The following TUBA1A variants were observed in gnomAD, a reference collection of about 807,000 sequenced individuals.
TUBA1A encodes tubulin alpha-1A chain.
TUBA1A carries 7 observed loss-of-function variants against 34.6 expected under a neutral mutation model. That is an observed-to-expected ratio of 0.20 (90% CI 0.11 to 0.38). The LOEUF (loss-of-function observed/expected upper bound fraction) is 0.38, where lower values mean the gene tolerates loss of function less well. Ranked by LOEUF, TUBA1A falls within the 10% of genes least tolerant of loss-of-function variation. The pLI, the probability that TUBA1A is intolerant of heterozygous loss-of-function variation, is 1.00. For missense variants in TUBA1A, 19 were observed against 581.3 expected (o/e 0.03, Z 9.95); for synonymous variants, 193 against 210.2 (o/e 0.92, Z 0.71).
Position 49,188,075 on chromosome 12 carries a change from CAG to C in TUBA1A, c.3+900_3+901del, listed in dbSNP as rs1469136790. On this transcript the variant is annotated intron_variant, in intron 1 of 3. Coordinates refer to ENST00000301071, the MANE Select transcript of TUBA1A (RefSeq NM_006009.4). The surrounding 1 kb of genome is among the most constrained non-coding windows in gnomAD (Gnocchi z 4.9). ...CAGTCGGTCAGGGCAGGGCGTCCCA[CAG>C]ACACACACACACACACACACACACA... 1.1e-6 allele frequency: 1 copy of C among 917,968 alleles called. No individual in the cohort carries two copies. The highest frequency in any genetic ancestry group is 1.3e-6 in the Non-Finnish European group (1 of 791,158). 56.9% of individuals were successfully genotyped at this position (917,968 alleles called of 1,614,324 possible). A position where few individuals can be genotyped will look rare whatever the true frequency, so the allele number is the denominator to read the frequency against.
intron 1 of TUBA1A, chr12:49,187,517 T>G: frequency 1.0e-6 from 1 of 985,668 alleles, no homozygotes; most frequent in Non-Finnish European, 1.2e-6. Context: ...TGAATTGAAA[T>G]GAATTAATTA....
At position 49,184,896 on chromosome 12, in the gene TUBA1A, G is replaced by A. The variant is rs150293856; in HGVS notation, c.*114C>T. Reference sequence around the variant, plus strand: ...TGTTTTAGAGCATAGGTCAGTAATTGTATATGAGAGCATACACTGCTACAT... The same window carrying A: ...TGTTTTAGAGCATAGGTCAGTAATTATATATGAGAGCATACACTGCTACAT... On this transcript the variant is annotated 3_prime_UTR_variant, in exon 4 of 4. Transcript: ENST00000301071. 1 of 1,542,052 alleles carries A rather than the reference G, an allele frequency of 6.5e-7. No homozygotes were observed. Among genetic ancestry groups the A allele is most frequent in the African/African-American group, 1.4e-5 (1 of 73,534 alleles).
In TUBA1A at chr12:49,186,280, AATTTACTT is replaced by A; in HGVS notation, c.375+22_375+29del. On this transcript the variant is annotated intron_variant, in intron 3 of 3. Transcript: ENST00000301071. The surrounding 1 kb of genome is among the most constrained non-coding windows in gnomAD (Gnocchi z 6.6). Reference sequence around the variant, plus strand: ...TTCAAATGTGTTCTTTAGGCTCATTAATTTACTTTATTCTTGAAAAGAAACATACCAGC... The same window carrying A: ...TTCAAATGTGTTCTTTAGGCTCATTATATTCTTGAAAAGAAACATACCAGC... 6.2e-7 allele frequency: 1 copy of A among 1,612,646 alleles called. No individual in the cohort carries two copies. The highest frequency in any genetic ancestry group is 1.1e-5 in the South Asian group (1 of 91,010).
At chr12:49,187,547 A>G (rs1942195623) in intron 1 of TUBA1A, 1 of 985,262 alleles carries the variant, frequency 1.0e-6, no homozygotes, top group East Asian at 1.1e-4. Flanking sequence ...GGAACAAAAG[A>G]CAACGGGATG....
intron 1 of TUBA1A, chr12:49,187,595 A>G (rs925385868): frequency 4.3e-6 from 4 of 933,044 alleles, no homozygotes; most frequent in South Asian, 5.3e-5. Flanking sequence ...CAATTTCATT[A>G]CTTTTTTTTT....
At position 49,186,101 on chromosome 12, in the gene TUBA1A, T is replaced by G; in HGVS notation, c.376-111A>C. The G allele has an allele frequency of 1.3e-6, 2 of 1,532,732 alleles. No individual in the cohort carries two copies. Among genetic ancestry groups the G allele is most frequent in the Non-Finnish European group, 1.8e-6 (2 of 1,137,486 alleles). 94.9% of individuals were successfully genotyped at this position (1,532,732 alleles called of 1,614,324 possible). On this transcript the variant is annotated intron_variant, in intron 3 of 3. Coordinates refer to ENST00000301071, the MANE Select transcript of TUBA1A (RefSeq NM_006009.4). This position sits in a 1 kb window ranked among gnomAD's most constrained non-coding sequence, Gnocchi z 6.6. The stretch of plus-strand genomic sequence containing the variant: ...CATCTTCCAGGACTTAGATCTTATT[T>G]TGACAAATGCTTTTTAAAAAATTCT...
rs556755463 is a variant in TUBA1A, at chr12:49,184,897, T to C, written c.*113A>G. 5.8e-6 allele frequency: 9 copies of C among 1,548,132 alleles called. No individual in the cohort carries two copies. Among genetic ancestry groups the C allele is most frequent in the African/African-American group, 2.7e-5 (2 of 73,646 alleles). On this transcript the variant is annotated 3_prime_UTR_variant, in exon 4 of 4. Transcript: ENST00000301071. ...GTTTTAGAGCATAGGTCAGTAATTG[T>C]ATATGAGAGCATACACTGCTACATA... is the stretch of plus-strand genomic sequence containing the variant.
rs58704368 is a variant in TUBA1A at position 49,188,023 on chromosome 12, GACACACAC to G, written c.3+946_3+953del. On this transcript the variant is annotated intron_variant, in intron 1 of 3. Coordinates refer to ENST00000301071, the MANE Select transcript of TUBA1A (RefSeq NM_006009.4). This position sits in a 1 kb window ranked among gnomAD's most constrained non-coding sequence, Gnocchi z 4.9. ...AACGTGCAGTCCAGACAGACAGACA[GACACACAC>G]ACACACACACACACACTTCAGTCGG... is the stretch of plus-strand genomic sequence containing the variant. The G allele has an allele frequency of 1.1e-6, 1 of 896,366 alleles. No individual in the cohort carries two copies. The highest frequency in any genetic ancestry group is 1.3e-6 in the Non-Finnish European group (1 of 765,502). The allele number at this position is 896,366 out of a possible 1,614,324, so 55.5% of individuals were successfully genotyped here. A position where few individuals can be genotyped will look rare whatever the true frequency, so the allele number is the denominator to read the frequency against.
Position 49,187,034 on chromosome 12 carries a change from G to C in TUBA1A, c.4-201C>G, listed in dbSNP as rs146064612. On this transcript the variant is annotated intron_variant, in intron 1 of 3. Transcript: ENST00000301071. ...TGGGTGTGGTCTGAATAATGATGTC[G>C]CCTTGGCCCTGTTCAGCACGTGGTA... The C allele has an allele frequency of 1.1e-4, 162 of 1,451,080 alleles. No individual in the cohort carries two copies. The East Asian group carries it at 3.6e-3, about 32-fold the overall frequency. 89.9% of individuals were successfully genotyped at this position (1,451,080 alleles called of 1,614,324 possible).
Position 49,187,048 on chromosome 12 carries a change from C to T in TUBA1A, c.4-215G>A. On this transcript the variant is annotated intron_variant, in intron 1 of 3. Transcript: ENST00000301071. ...ATAATGATGTCGCCTTGGCCCTGTT[C>T]AGCACGTGGTACCAGCCCATTGTGC... 3 of 1,436,716 alleles carry T rather than the reference C, an allele frequency of 2.1e-6. No homozygotes were observed. In the South Asian group the frequency reaches 4.6e-5, roughly 22 times the overall value. 89.0% of individuals were successfully genotyped at this position (1,436,716 alleles called of 1,614,324 possible).
In TUBA1A at chr12:49,185,517, A is replaced by G. The variant is rs759228609; in HGVS notation, c.849T>C (p.His283=). 1.7e-5 allele frequency: 28 copies of G among 1,613,830 alleles called. No homozygotes were observed. The highest frequency in any genetic ancestry group is 2.1e-5 in the Non-Finnish European group (25 of 1,179,980). The change falls in exon 4 of 4, where the codon CAT becomes CAC. Residue 283 remains histidine, a synonymous_variant. Coordinates refer to ENST00000301071, the MANE Select transcript of TUBA1A (RefSeq NM_006009.4). ...APVISAEKAY[H]EQLSVAEITN... is the part of the protein sequence containing the mutation. ...TGATCTCTGCTACAGAAAGCTGTTC[A>G]TGGTAGGCTTTCTCAGCAGAGATGA...
chr12:49,189,069 A>C lies in TUBA1A; in HGVS notation c.-90T>G. ...AGCGCGACTCTTAGGCGGTCGATGTAAGAGAACCTGCGGCACATAGGCGGA... is the reference window on the plus strand; with the variant it reads ...AGCGCGACTCTTAGGCGGTCGATGTCAGAGAACCTGCGGCACATAGGCGGA... On this transcript the variant is annotated 5_prime_UTR_variant, in exon 1 of 4. Transcript: ENST00000301071. 1 of 1,559,062 alleles carries C rather than the reference A, an allele frequency of 6.4e-7. No homozygotes were observed. Among genetic ancestry groups the C allele is most frequent in the Non-Finnish European group, 8.8e-7 (1 of 1,130,174 alleles).
At chr12:49,187,662 A>G (rs774464082) in intron 1 of TUBA1A, 1 of 984,908 alleles carries the variant, frequency 1.0e-6, no homozygotes, top group Non-Finnish European at 1.2e-6. Flanking sequence ...AATTATCCGT[A>G]TCTTAACACA....
chr12:49,187,224 CT>C, intron 1 of TUBA1A: 1 of 1,133,530 alleles, frequency 8.8e-7, no homozygotes, highest in Non-Finnish European at 1.1e-6. Context: ...TGAAAGTTTC[CT>C]CTGAATAGGA....
rs1426514189 is a variant in TUBA1A, at chr12:49,184,872, G to A, written c.*138C>T. 8 of 1,428,992 alleles carry A rather than the reference G, an allele frequency of 5.6e-6. No individual in the cohort carries two copies. In the Admixed American group the frequency reaches 1.0e-4, roughly 18 times the overall value. 88.5% of individuals were successfully genotyped at this position (1,428,992 alleles called of 1,614,324 possible). Reference sequence around the variant, plus strand: ...CTTGGGTCTGTAACAAAGCATTCATGTTTTAGAGCATAGGTCAGTAATTGT... The same window carrying A: ...CTTGGGTCTGTAACAAAGCATTCATATTTTAGAGCATAGGTCAGTAATTGT... On this transcript the variant is annotated 3_prime_UTR_variant, in exon 4 of 4. Transcript: ENST00000301071.
Position 49,186,883 on chromosome 12 carries a change from T to C in TUBA1A, c.4-50A>G. The C allele has an allele frequency of 6.2e-7, 1 of 1,611,982 alleles. No homozygotes were observed. Among genetic ancestry groups the C allele is most frequent in the South Asian group, 1.1e-5 (1 of 90,944 alleles). On this transcript the variant is annotated intron_variant, in intron 1 of 3. Coordinates refer to ENST00000301071, the MANE Select transcript of TUBA1A (RefSeq NM_006009.4). This position sits in a 1 kb window ranked among gnomAD's most constrained non-coding sequence, Gnocchi z 6.6. The stretch of plus-strand genomic sequence containing the variant: ...TCGTAAAATTAAGGTGTATTAGCAT[T>C]TCAAACTTATAGGAAATTTCAAAAA...
rs966569210 is a variant in TUBA1A, at chr12:49,188,149, C to A, written c.3+828G>T. 7 of 982,570 alleles carry A rather than the reference C, an allele frequency of 7.1e-6. No individual in the cohort carries two copies. The highest frequency in any genetic ancestry group is 8.4e-6 in the Non-Finnish European group (7 of 829,470). The allele number at this position is 982,570 out of a possible 1,614,324, so 60.9% of individuals were successfully genotyped here. A position where few individuals can be genotyped will look rare whatever the true frequency, so the allele number is the denominator to read the frequency against. The stretch of plus-strand genomic sequence containing the variant: ...CAGGGCAGGGCGTCCCCAGACCAGA[C>A]ATTAAAGAGCTTGTGAAGTGAATTA... On this transcript the variant is annotated intron_variant, in intron 1 of 3. Transcript: ENST00000301071. The surrounding 1 kb of genome is among the most constrained non-coding windows in gnomAD (Gnocchi z 4.9).
At position 49,184,904 on chromosome 12, in the gene TUBA1A, G is replaced by C. The variant is rs1062439; in HGVS notation, c.*106C>G. The stretch of plus-strand genomic sequence containing the variant: ...AGCATAGGTCAGTAATTGTATATGA[G>C]AGCATACACTGCTACATACAAATTA... On this transcript the variant is annotated 3_prime_UTR_variant, in exon 4 of 4. Coordinates refer to ENST00000301071, the MANE Select transcript of TUBA1A (RefSeq NM_006009.4). The C allele has an allele frequency of 1.3e-6, 2 of 1,563,054 alleles. No homozygotes were observed. Among genetic ancestry groups the C allele is most frequent in the South Asian group, 1.1e-5 (1 of 89,502 alleles).
At chr12:49,187,143 T>C in intron 1 of TUBA1A, 1 of 1,240,670 alleles carries the variant, frequency 8.1e-7, no homozygotes, top group East Asian at 4.2e-5. Flanking sequence ...ACAAATTTTG[T>C]AAAATGAAGT....
Sources: allele counts gnomAD v4.1 joint callset, GRCh38; gene constraint gnomAD v4.1.1; non-coding constraint Gnocchi (gnomAD v3.1); transcripts MANE v1.5; gene names NCBI Gene and HGNC (gene_info 2026-07-23, HGNC 2026-07-21).